Variants in IGSF11 observed in about 807,000 individuals in gnomAD.
The protein encoded by IGSF11 is CXADR like 1.
Under a neutral mutation model 41.0 loss-of-function variants are expected in IGSF11, and 22 were observed. The ratio of observed to expected loss-of-function variants is 0.54; its 90% CI spans 0.38 to 0.77. The LOEUF (loss-of-function observed/expected upper bound fraction) is 0.77. Among genes scored for constraint, IGSF11 ranks in the 30% least tolerant of loss-of-function variants. The probability of loss-of-function intolerance (pLI) is 0.00; values close to 1 mark genes in which losing one functional copy is unlikely to be tolerated. For synonymous variants in IGSF11, 219 were observed against 201.3 expected (o/e 1.09, Z -0.74); for missense variants, 444 against 530.8 (o/e 0.84, Z 1.61).
chr3:119,106,842 G>A (rs2077038105), upstream of IGSF11, among the ~76,000 whole-genome samples: 1 of 151,932 alleles, frequency 6.6e-6, no homozygotes, highest in South Asian at 2.1e-4. Context: ...GCAGTGTTTG[G>A]TTTTTTGTCC....
chr3:119,104,037 G>T (rs1042173541), intron 1 of IGSF11, among the ~76,000 whole-genome samples: 2 of 152,024 alleles, frequency 1.3e-5, no homozygotes, highest in African/African-American at 4.8e-5. Context: ...ACCTTGGATT[G>T]ATTTCTGAGA....
chr3:118,986,156 T>C (rs890439584), intron 1 of IGSF11, among the ~76,000 whole-genome samples: 3 of 152,134 alleles, frequency 2.0e-5, no homozygotes, highest in African/African-American at 7.2e-5. Context: ...GGAGCCACAG[T>C]TCAAAAATCC....
intron 1 of IGSF11, among the ~76,000 whole-genome samples, chr3:118,957,389 G>C (rs1301113423): frequency 2.0e-5 from 3 of 152,162 alleles, no homozygotes; most frequent in Admixed American, 6.6e-5. Flanking sequence ...AAATTAAACA[G>C]AGTTAATTAT....
chr3:119,111,862 AC>A (rs1410728879), intron 1 of IGSF11, among the ~76,000 whole-genome samples: 1 of 152,122 alleles, frequency 6.6e-6, no homozygotes, highest in Non-Finnish European at 1.5e-5. Context: ...TCCACTCCAG[AC>A]CCTGTTTGCC....
In IGSF11 at chr3:119,034,678, G is replaced by C. The variant is rs1015299361; in HGVS notation, c.-96C>G. The C allele has an allele frequency of 4.2e-6, 6 of 1,432,772 alleles. No individual in the cohort carries two copies. The African/African-American group carries it at 7.3e-5, about 17-fold the overall frequency. The allele number at this position is 1,432,772 out of a possible 1,614,324, so 88.8% of individuals were successfully genotyped here. A position where few individuals can be genotyped will look rare whatever the true frequency, so the allele number is the denominator to read the frequency against. On this transcript the variant is annotated 5_prime_UTR_variant, in exon 1 of 7. Transcript: ENST00000393775. ...GTCTCCGCGCTCTTGGGGCAGCCTG[G>C]TCCTCCCACACCCAGCGCCGGGCCG... is the stretch of plus-strand genomic sequence containing the variant.
At chr3:119,007,719 A>G (rs1012777587) in intron 1 of IGSF11, among the ~76,000 whole-genome samples, 1 of 152,024 alleles carries the variant, frequency 6.6e-6, no homozygotes, top group African/African-American at 2.4e-5. Context: ...TGTTTGCTCA[A>G]TCATCCTACA....
intron 1 of IGSF11, among the ~76,000 whole-genome samples, chr3:118,977,143 C>A (rs771724212): frequency 6.6e-6 from 1 of 152,100 alleles, no homozygotes; most frequent in African/African-American, 2.4e-5. Context: ...AACACATATT[C>A]CCCAGATTTT....
chr3:119,108,077 T>C (rs1199739431), upstream of IGSF11, among the ~76,000 whole-genome samples: 1 of 151,362 alleles, frequency 6.6e-6, no homozygotes, highest in Non-Finnish European at 1.5e-5. Context: ...GCGGGCTCTT[T>C]TTTGGTTCCA....
At chr3:118,986,889 C>A (rs534496170) in intron 1 of IGSF11, among the ~76,000 whole-genome samples, 1 of 152,180 alleles carries the variant, frequency 6.6e-6, no homozygotes, top group East Asian at 1.9e-4. Flanking sequence ...TTCTCCACAT[C>A]CCTCAGCAGA....
chr3:119,009,340 G>C (rs989226415), intron 1 of IGSF11, among the ~76,000 whole-genome samples: 2 of 152,154 alleles, frequency 1.3e-5, no homozygotes, highest in Non-Finnish European at 2.9e-5. Flanking sequence ...GTTTGGCTGT[G>C]TCTCCACCCA....
chr3:119,059,292 C>G (rs1941975549), intron 1 of IGSF11, among the ~76,000 whole-genome samples: 1 of 151,864 alleles, frequency 6.6e-6, no homozygotes, highest in South Asian at 2.1e-4. Flanking sequence ...GACCATTATT[C>G]TATGTGAAGT....
At chr3:119,101,141 C>A (rs760583229) in intron 1 of IGSF11, among the ~76,000 whole-genome samples, 1 of 152,066 alleles carries the variant, frequency 6.6e-6, no homozygotes, top group Non-Finnish European at 1.5e-5. Context: ...CACGGGCTAT[C>A]ATCATTTCTA....
chr3:119,125,790 T>C (rs188063970), intron 1 of IGSF11, among the ~76,000 whole-genome samples: 385 of 152,208 alleles, frequency 2.5e-3, no homozygotes, highest in Middle Eastern at 3.4e-3. Context: ...GAGAGCAGTG[T>C]GGTGCTGCAG....
intron 1 of IGSF11, among the ~76,000 whole-genome samples, chr3:119,112,171 T>TGTTTGTC (rs1437779892): frequency 6.6e-6 from 1 of 152,216 alleles, no homozygotes; most frequent in Non-Finnish European, 1.5e-5. Flanking sequence ...GCTGTCTTTT[T>TGTTTGTC]GTTTGTCTGT....
rs190330539 is a variant in IGSF11, at chr3:118,991,380, T to C, written c.52+43151A>G. On this transcript the variant is annotated intron_variant, in intron 1 of 6. Transcript: ENST00000393775. The stretch of plus-strand genomic sequence containing the variant: ...AGTGCCTACTATATTTCAGGGCACA[T>C]GATTTTACCAAAGTATGTAACAGGC... Among the ~76,000 whole-genome samples the C allele has an allele frequency of 2.4e-3, 363 of 152,310 alleles. 1 individual carries two copies. The highest frequency in any genetic ancestry group is 8.3e-3 in the African/African-American group (345 of 41,564).
chr3:119,077,310 C>T (rs1576770042), intron 1 of IGSF11, among the ~76,000 whole-genome samples: 1 of 151,902 alleles, frequency 6.6e-6, no homozygotes, highest in East Asian at 1.9e-4. Context: ...GGAGATATAC[C>T]TAATGTAAAT....
intron 1 of IGSF11, among the ~76,000 whole-genome samples, chr3:119,073,873 T>C (rs1265973348): frequency 6.6e-6 from 1 of 152,188 alleles, no homozygotes; most frequent in Non-Finnish European, 1.5e-5. Context: ...GCTGAAGGGC[T>C]CCTCAATCAT....
chr3:119,095,032 T>C (rs894278911), intron 1 of IGSF11, among the ~76,000 whole-genome samples: 4 of 152,110 alleles, frequency 2.6e-5, no homozygotes, highest in Admixed American at 2.6e-4. Context: ...TGAAAAACTT[T>C]CCTGAAACCC....
intron 1 of IGSF11, among the ~76,000 whole-genome samples, chr3:118,967,891 A>G (rs1440160773): frequency 6.6e-6 from 1 of 152,144 alleles, no homozygotes; most frequent in Non-Finnish European, 1.5e-5. Flanking sequence ...AAGTCAGTGC[A>G]TGTTCTTCTT....
Sources: gnomAD v4.1 joint callset for allele counts (sites outside exome capture counted in the v4.1 genomes callset) on GRCh38, gnomAD v4.1.1 for gene constraint, MANE v1.5 for transcripts, NCBI Gene and HGNC (gene_info 2026-07-23, HGNC 2026-07-21) for gene names.